The following PDE4D variants were observed in gnomAD, a reference collection of about 807,000 sequenced individuals.
The protein encoded by PDE4D is 3',5'-cyclic-AMP phosphodiesterase 4D.
PDE4D carries 24 observed loss-of-function variants against 87.4 expected under a neutral mutation model. That is an observed-to-expected ratio of 0.27 (90% CI 0.20 to 0.39). The LOEUF (loss-of-function observed/expected upper bound fraction) is 0.39, where lower values mean the gene tolerates loss of function less well. PDE4D is among the 10% of genes least tolerant of loss of function. The pLI, the probability that PDE4D is intolerant of heterozygous loss-of-function variation, is 1.00. For missense variants in PDE4D, 714 were observed against 1,041.0 expected (o/e 0.69, Z 4.32); for synonymous variants, 384 against 383.2 (o/e 1.00, Z -0.02).
At chr5:60,311,308 C>G (rs896650669) in intron 1 of PDE4D, among the ~76,000 whole-genome samples, 6 of 152,170 alleles carry the variant, frequency 3.9e-5, no homozygotes, top group Non-Finnish European at 5.9e-5. Context: ...AGGCGTGAGC[C>G]ACCGCGCCCG....
intron 1 of PDE4D, among the ~76,000 whole-genome samples, chr5:59,659,853 A>G (rs1336388422): frequency 6.6e-6 from 1 of 152,152 alleles, no homozygotes; most frequent in Non-Finnish European, 1.5e-5. Context: ...CTATTCTCTG[A>G]CAACTCTCTC....
At chr5:60,036,934 AAAATCTG>A (rs1332341694) in intron 2 of PDE4D, among the ~76,000 whole-genome samples, 3 of 152,222 alleles carry the variant, frequency 2.0e-5, no homozygotes, top group African/African-American at 7.2e-5. Context: ...AAATACATAT[AAAATCTG>A]AAATCTGAAA....
chr5:59,574,161 T>TAA (rs1822711705), intron 1 of PDE4D, among the ~76,000 whole-genome samples: 13 of 110,946 alleles, frequency 1.2e-4, no homozygotes, highest in Admixed American at 2.1e-4. Flanking sequence ...TATTTATATA[T>TAA]ATATATATAT....
chr5:59,260,120 T>C (rs1021673353), intron 1 of PDE4D, among the ~76,000 whole-genome samples: 41 of 151,880 alleles, frequency 2.7e-4, no homozygotes, highest in African/African-American at 9.7e-4. Context: ...AAGATTGTCC[T>C]GAGAGTCTTT....
chr5:60,333,327 TC>T (rs1194286441), intron 1 of PDE4D, among the ~76,000 whole-genome samples: 1 of 152,182 alleles, frequency 6.6e-6, no homozygotes, highest in African/African-American at 2.4e-5. Context: ...AAAACTGTCA[TC>T]ATTTCCCACC....
chr5:59,845,224 T>C (rs1001288518), intron 1 of PDE4D, among the ~76,000 whole-genome samples: 2 of 152,098 alleles, frequency 1.3e-5, no homozygotes, highest in Non-Finnish European at 2.9e-5. Context: ...AATGGTGCTT[T>C]AAGCCACTGA....
In PDE4D at chr5:59,823,296, T is replaced by C. The variant is rs562405318; in HGVS notation, c.455+69872A>G. Reference sequence around the variant, plus strand: ...TTTGTAGACTCCAGCCAAGGGCCAATAAAGCAATTTCCCCCACATTTCATG... The same window carrying C: ...TTTGTAGACTCCAGCCAAGGGCCAACAAAGCAATTTCCCCCACATTTCATG... On this transcript the variant is annotated intron_variant, in intron 1 of 14. Coordinates refer to ENST00000340635, the MANE Select transcript of PDE4D (RefSeq NM_001104631.2). Among the ~76,000 whole-genome samples the C allele has an allele frequency of 1.1e-4, 17 of 152,318 alleles. No homozygotes were observed. In the South Asian group the frequency reaches 2.9e-3, roughly 26 times the overall value.
At chr5:59,414,630 A>C (rs576687491) in intron 1 of PDE4D, among the ~76,000 whole-genome samples, 2 of 152,382 alleles carry the variant, frequency 1.3e-5, no homozygotes, top group South Asian at 4.1e-4. Flanking sequence ...AATGCCAGAC[A>C]AAGGAATGTC....
At chr5:60,094,360 C>A (rs1268129989) in intron 2 of PDE4D, among the ~76,000 whole-genome samples, 1 of 152,130 alleles carries the variant, frequency 6.6e-6, no homozygotes, top group East Asian at 1.9e-4. Flanking sequence ...ATTAAGATGG[C>A]ATGGTTTAAC....
At chr5:60,000,734 A>T (rs1582119698) in intron 2 of PDE4D, among the ~76,000 whole-genome samples, 1 of 152,258 alleles carries the variant, frequency 6.6e-6, no homozygotes, top group East Asian at 1.9e-4. Flanking sequence ...AAACTATGTT[A>T]ACAAATGCAA....
intron 5 of PDE4D, 64 bp downstream of exon 5, chr5:59,180,531 T>C (rs1184912915): frequency 7.4e-6 from 10 of 1,353,550 alleles, no homozygotes; most frequent in Admixed American, 1.8e-5. Flanking sequence ...TGGTGTTATA[T>C]TGACTCTTGG....
intron 2 of PDE4D, among the ~76,000 whole-genome samples, chr5:60,100,478 G>A (rs968667518): frequency 5.9e-5 from 9 of 151,950 alleles, no homozygotes; most frequent in Non-Finnish European, 1.0e-4. Context: ...AAGGGAAAGC[G>A]GGAAGGAAAT....
At chr5:59,638,641 T>A (rs1741006339) in intron 1 of PDE4D, among the ~76,000 whole-genome samples, 1 of 152,038 alleles carries the variant, frequency 6.6e-6, no homozygotes, top group Non-Finnish European at 1.5e-5. Flanking sequence ...CCTTATAGTA[T>A]CACTTTTCTT....
chr5:59,264,303 C>G (rs1218844633), intron 1 of PDE4D, among the ~76,000 whole-genome samples: 1 of 151,976 alleles, frequency 6.6e-6, no homozygotes, highest in Non-Finnish European at 1.5e-5. Context: ...ATTAAAAAGA[C>G]TAGCTATCTT....
intron 1 of PDE4D, among the ~76,000 whole-genome samples, chr5:59,425,657 G>A (rs1795090845): frequency 6.6e-6 from 1 of 152,146 alleles, no homozygotes; most frequent in Non-Finnish European, 1.5e-5. Context: ...AAAATAAGGT[G>A]GTTGAATTTG....
intron 1 of PDE4D, among the ~76,000 whole-genome samples, chr5:59,498,448 T>C (rs1036195122): frequency 6.6e-6 from 1 of 151,824 alleles, no homozygotes; most frequent in African/African-American, 2.4e-5. Flanking sequence ...AAGGTTTTAT[T>C]CCTGTCATAG....
At position 60,392,817 on chromosome 5, in the gene PDE4D, G is replaced by A. The variant is rs143083059; in HGVS notation, c.-90+95125C>T. 4.7e-4 allele frequency among the ~76,000 whole-genome samples: 72 copies of A among 152,188 alleles called. 1 individual carries two copies. The highest frequency in any genetic ancestry group is 3.4e-3 in the Middle Eastern group (1 of 294). ...AAAATTTCTTTAAATGGGGAACACC[G>A]TACTCCAGTTCATGCTTCCAGTTAC... On this transcript the variant is annotated intron_variant, in intron 1 of 16. Transcript: ENST00000502484.
At chr5:60,276,720 G>A (rs779709661) in intron 1 of PDE4D, among the ~76,000 whole-genome samples, 27 of 152,098 alleles carry the variant, frequency 1.8e-4, no homozygotes, top group Admixed American at 3.9e-4. Context: ...TTTAATTTGC[G>A]AATCATTCTT....
At chr5:59,310,689 C>A (rs965754431) in intron 1 of PDE4D, among the ~76,000 whole-genome samples, 3 of 152,206 alleles carry the variant, frequency 2.0e-5, no homozygotes, top group African/African-American at 7.2e-5. Context: ...TGTACAAAAG[C>A]AGCCTTCCAT....
Sources: gnomAD v4.1 joint callset for allele counts (sites outside exome capture counted in the v4.1 genomes callset) on GRCh38, gnomAD v4.1.1 for gene constraint, MANE v1.5 for transcripts, NCBI Gene and HGNC (gene_info 2026-07-23, HGNC 2026-07-21) for gene names.